Variants in FOXP1 observed in about 807,000 individuals in gnomAD.
The protein encoded by FOXP1 is forkhead box P1.
Under a neutral mutation model 98.2 loss-of-function variants are expected in FOXP1, and 15 were observed. The ratio of observed to expected loss-of-function variants is 0.15; its 90% CI spans 0.10 to 0.24. The LOEUF is 0.24. FOXP1 is among the 10% of genes least tolerant of loss of function. The pLI is 1.00. For missense variants in FOXP1, 633 were observed against 848.5 expected (o/e 0.75, Z 3.15); for synonymous variants, 371 against 314.5 (o/e 1.18, Z -1.90).
intron 7 of FOXP1, among the ~76,000 whole-genome samples, chr3:71,056,202 CAT>C (rs1044943946): frequency 6.6e-6 from 1 of 152,148 alleles, no homozygotes; most frequent in Non-Finnish European, 1.5e-5. Flanking sequence ...TTAAAAGTTA[CAT>C]ATGTCTCCTA....
chr3:70,981,149 T>C (rs2038765089), intron 14 of FOXP1, among the ~76,000 whole-genome samples: 2 of 143,976 alleles, frequency 1.4e-5, no homozygotes, highest in South Asian at 4.4e-4. Flanking sequence ...GATGTGAGCC[T>C]TGTAGCTATT....
At chr3:71,047,206 G>GCTCAGT (rs1369654951) in intron 9 of FOXP1, 111 bp from the exon 10 acceptor site, 2 of 1,241,154 alleles carry the variant, frequency 1.6e-6, no homozygotes, top group African/African-American at 3.0e-5. Context: ...GGTCACTGGA[G>GCTCAGT]CTCAGTGGAG....
At chr3:71,583,026 C>G (rs999466877) in intron 1 of FOXP1, among the ~76,000 whole-genome samples, 1 of 151,794 alleles carries the variant, frequency 6.6e-6, no homozygotes, top group African/African-American at 2.4e-5. Flanking sequence ...GCCTAGGAGG[C>G]GCCCGGCGCG....
chr3:71,404,165 T>A lies in FOXP1; in HGVS notation c.-167-44921A>T, dbSNP rs187733175. 3.0e-3 allele frequency among the ~76,000 whole-genome samples: 436 copies of A among 146,840 alleles called. 14 individuals carry two copies. In the East Asian group the frequency reaches 0.067, roughly 22 times the overall value. On this transcript the variant is annotated intron_variant, in intron 3 of 20. Coordinates refer to ENST00000649528, the MANE Select transcript of FOXP1 (RefSeq NM_001349338.3). ...TTTTTGAGATGGAGTTTCGCTCTTG[T>A]TGCCCAGGCTGGAGTCCAGTGGCGT... is the stretch of plus-strand genomic sequence containing the variant.
chr3:71,047,869 T>C (rs746906522), intron 9 of FOXP1, among the ~76,000 whole-genome samples: 2 of 152,190 alleles, frequency 1.3e-5, no homozygotes, highest in Admixed American at 6.5e-5. Context: ...TTTTTGTTGA[T>C]TGGACAATGA....
At chr3:71,157,281 A>C (rs954398132) in intron 6 of FOXP1, among the ~76,000 whole-genome samples, 2 of 152,242 alleles carry the variant, frequency 1.3e-5, no homozygotes, top group African/African-American at 4.8e-5. Flanking sequence ...GGAGGAGAGA[A>C]TAACACAGAA....
chr3:71,320,586 A>C (rs927923473), intron 4 of FOXP1, among the ~76,000 whole-genome samples: 2 of 152,110 alleles, frequency 1.3e-5, no homozygotes, highest in Non-Finnish European at 2.9e-5. Context: ...CTTTGTACAC[A>C]GTACTTGTCC....
intron 7 of FOXP1, among the ~76,000 whole-genome samples, chr3:71,104,043 C>T (rs976543297): frequency 1.2e-4 from 18 of 152,054 alleles, no homozygotes; most frequent in African/African-American, 3.9e-4. Context: ...AAGATTCACA[C>T]AGGAAAAAGA....
intron 4 of FOXP1, among the ~76,000 whole-genome samples, chr3:71,344,313 T>C (rs1201346247): frequency 1.3e-5 from 2 of 152,244 alleles, no homozygotes; most frequent in Non-Finnish European, 1.5e-5. Context: ...AATTTTTTTC[T>C]ATCTTTTTTT....
intron 6 of FOXP1, among the ~76,000 whole-genome samples, chr3:71,183,885 G>A (rs1191051813): frequency 6.6e-6 from 1 of 152,180 alleles, no homozygotes; most frequent in Non-Finnish European, 1.5e-5. Flanking sequence ...TGGCGTGGTG[G>A]CTCACGTCTG....
At chr3:71,504,327 T>C (rs2041644834) in intron 2 of FOXP1, among the ~76,000 whole-genome samples, 2 of 152,080 alleles carry the variant, frequency 1.3e-5, no homozygotes, top group African/African-American at 2.4e-5. Context: ...TAATATGACG[T>C]TGGCCAGTGA....
intron 3 of FOXP1, among the ~76,000 whole-genome samples, chr3:71,480,615 T>C (rs2090196747): frequency 6.6e-6 from 1 of 152,194 alleles, no homozygotes. Context: ...ACAATGCACA[T>C]GGTCACAGGG....
At chr3:71,291,388 A>G (rs1046864188) in intron 5 of FOXP1, among the ~76,000 whole-genome samples, 2 of 152,212 alleles carry the variant, frequency 1.3e-5, no homozygotes, top group African/African-American at 4.8e-5. Context: ...TTTCCATACA[A>G]AGGCTTTGAA....
chr3:70,959,519 T>C (rs1169557283), intron 20 of FOXP1, 128 bp from the exon 21 acceptor site: 2 of 976,432 alleles, frequency 2.0e-6, no homozygotes, highest in East Asian at 2.6e-5. Flanking sequence ...ATTGTTACCA[T>C]TAGCCACACG....
At chr3:71,438,724 GT>G (rs2085608627) in intron 3 of FOXP1, among the ~76,000 whole-genome samples, 1 of 149,034 alleles carries the variant, frequency 6.7e-6, no homozygotes, top group Non-Finnish European at 1.5e-5. Context: ...ATTTAGGGAG[GT>G]TTCAGTCTAA....
At chr3:70,999,889 A>T (rs961249693) in intron 13 of FOXP1, among the ~76,000 whole-genome samples, 3 of 152,194 alleles carry the variant, frequency 2.0e-5, no homozygotes, top group Non-Finnish European at 4.4e-5. Flanking sequence ...ATGGCTGGTA[A>T]CAATATAATG....
At chr3:71,281,211 C>G (rs2071524478) in intron 5 of FOXP1, among the ~76,000 whole-genome samples, 3 of 149,878 alleles carry the variant, frequency 2.0e-5, no homozygotes, top group South Asian at 4.3e-4. Flanking sequence ...GCCTGGACAA[C>G]AGTCAGACCC....
At chr3:71,008,848 C>A (rs1052640671) in intron 12 of FOXP1, among the ~76,000 whole-genome samples, 3 of 151,942 alleles carry the variant, frequency 2.0e-5, no homozygotes, top group Non-Finnish European at 1.5e-5. Flanking sequence ...TATGATATTT[C>A]TTCCTCAGGA....
intron 3 of FOXP1, among the ~76,000 whole-genome samples, chr3:71,478,683 T>C (rs755690091): frequency 1.6e-4 from 25 of 152,202 alleles, no homozygotes; most frequent in Non-Finnish European, 3.2e-4. Context: ...ACCTTCCAAC[T>C]GCAAGTTACA....
Sources: gnomAD v4.1 joint callset for allele counts (sites outside exome capture counted in the v4.1 genomes callset) on GRCh38, gnomAD v4.1.1 for gene constraint, MANE v1.5 for transcripts, NCBI Gene and HGNC (gene_info 2026-07-23, HGNC 2026-07-21) for gene names.